PBX1: variants seen among roughly 807,000 people sequenced by gnomAD.
PBX1 encodes PBX homeobox 1.
A neutral mutation model predicts 53.4 loss-of-function variants in PBX1; 6 were observed. The ratio of observed to expected loss-of-function variants is 0.11; its 90% CI spans 0.06 to 0.22. The LOEUF (loss-of-function observed/expected upper bound fraction) is 0.22, where lower values mean the gene tolerates loss of function less well. Ranked by LOEUF, PBX1 falls within the 10% of genes least tolerant of loss-of-function variation. The pLI is 1.00. For missense variants in PBX1, 251 were observed against 551.4 expected (o/e 0.46, Z 5.46); for synonymous variants, 204 against 212.3 (o/e 0.96, Z 0.34).
At chr1:164,600,588 T>C (rs1245135832) in intron 2 of PBX1, among the ~76,000 whole-genome samples, 1 of 152,198 alleles carries the variant, frequency 6.6e-6, no homozygotes, top group Non-Finnish European at 1.5e-5. Context: ...GCATTCCCTC[T>C]CTTGCCACAA....
intron 2 of PBX1, among the ~76,000 whole-genome samples, chr1:164,705,900 C>CCTAT (rs1436874589): frequency 6.6e-6 from 1 of 152,132 alleles, no homozygotes; most frequent in Non-Finnish European, 1.5e-5. Context: ...TATTCAAGTA[C>CCTAT]CTATGTGTGA....
chr1:164,723,913 G>A (rs182728200), intron 2 of PBX1, among the ~76,000 whole-genome samples: 4 of 152,344 alleles, frequency 2.6e-5, no homozygotes, highest in African/African-American at 9.6e-5. Context: ...CAGCCTGGAA[G>A]GAGCTGAAGT....
chr1:164,640,608 G>A (rs1323680064), intron 2 of PBX1, among the ~76,000 whole-genome samples: 1 of 143,096 alleles, frequency 7.0e-6, no homozygotes, highest in East Asian at 2.1e-4. Context: ...CCAGGCTGGA[G>A]TGCAGTGGCA....
At chr1:164,632,050 C>T (rs1239819167) in intron 2 of PBX1, among the ~76,000 whole-genome samples, 1 of 152,114 alleles carries the variant, frequency 6.6e-6, no homozygotes, top group Non-Finnish European at 1.5e-5. Context: ...TTAGTCTGAC[C>T]CTTAGCATCA....
chr1:164,864,073 G>A (rs1672160205), intron 2 of PBX1, among the ~76,000 whole-genome samples: 2 of 152,162 alleles, frequency 1.3e-5, no homozygotes, highest in Admixed American at 6.5e-5. Flanking sequence ...ATGACCCTAA[G>A]TGATATTATC....
intron 7 of PBX1, among the ~76,000 whole-genome samples, chr1:164,821,119 A>G (rs1223818896): frequency 6.6e-6 from 1 of 152,198 alleles, no homozygotes; most frequent in Admixed American, 6.5e-5. Context: ...TGGCTGCCCA[A>G]ACCTCCTCTA....
chr1:164,843,876 C>T (rs1029929150), intron 8 of PBX1, among the ~76,000 whole-genome samples: 5 of 152,110 alleles, frequency 3.3e-5, no homozygotes, highest in African/African-American at 1.2e-4. Flanking sequence ...CTTAATGAAA[C>T]ACCACAGAAC....
intron 2 of PBX1, among the ~76,000 whole-genome samples, chr1:164,604,572 AC>A (rs1251744864): frequency 5.9e-5 from 9 of 152,220 alleles, no homozygotes; most frequent in African/African-American, 2.2e-4. Context: ...GCTGGACATG[AC>A]CCTTTTTTAT....
intron 2 of PBX1, among the ~76,000 whole-genome samples, chr1:164,613,460 C>A (rs1274590592): frequency 2.0e-5 from 3 of 152,148 alleles, no homozygotes; most frequent in African/African-American, 7.2e-5. Context: ...TTTCCTCCTT[C>A]AGGAATCAGC....
Position 164,700,797 on chromosome 1 carries a change from A to G in PBX1, c.266-91697A>G, listed in dbSNP as rs530293320. ...TGGGTTTCTATGACTTTTTTCACCC[A>G]TCTTTGTGTTTTGGTGGTGGCCAGC... On this transcript the variant is annotated intron_variant, in intron 2 of 8. Transcript: ENST00000420696. 4.3e-6 allele frequency: 4 copies of G among 936,718 alleles called. No individual in the cohort carries two copies. In the South Asian group the frequency reaches 2.0e-4, roughly 46 times the overall value. The allele number at this position is 936,718 out of a possible 1,614,324, so 58.0% of individuals were successfully genotyped here. A position where few individuals can be genotyped will look rare whatever the true frequency, so the allele number is the denominator to read the frequency against.
intron 2 of PBX1, among the ~76,000 whole-genome samples, chr1:164,707,937 G>T (rs753994127): frequency 2.0e-4 from 30 of 152,248 alleles, no homozygotes; most frequent in Non-Finnish European, 3.7e-4. Flanking sequence ...GCCCGAGAGA[G>T]CTGAGGCACC....
At chr1:164,694,943 A>G (rs763833441) in intron 2 of PBX1, among the ~76,000 whole-genome samples, 1 of 152,158 alleles carries the variant, frequency 6.6e-6, no homozygotes, top group Admixed American at 6.6e-5. Flanking sequence ...TAAGCAGCCC[A>G]TCGCATCTGA....
chr1:164,886,008 AT>A (rs1159840482), intron 2 of PBX1, among the ~76,000 whole-genome samples: 1 of 152,170 alleles, frequency 6.6e-6, no homozygotes, highest in Non-Finnish European at 1.5e-5. Flanking sequence ...AGTTTCTAGA[AT>A]GATTTAGGTG....
rs189051618 is a variant in PBX1, at chr1:164,850,117, C to T, written c.*3441C>T. Reference sequence around the variant, plus strand: ...AATTTTAAAAATGACCCTCATAGCACGCAAAACAGGATGGGGAATTTCCCC... The same window carrying T: ...AATTTTAAAAATGACCCTCATAGCATGCAAAACAGGATGGGGAATTTCCCC... On this transcript the variant is annotated 3_prime_UTR_variant, in exon 9 of 9. Transcript: ENST00000420696. 2.6e-5 allele frequency: 6 copies of T among 227,406 alleles called. No individual in the cohort carries two copies. The highest frequency in any genetic ancestry group is 6.6e-5 in the African/African-American group (3 of 45,126). The allele number at this position is 227,406 out of a possible 1,614,324, so 14.1% of individuals were successfully genotyped here.
chr1:164,602,324 G>A (rs1444069590), intron 2 of PBX1, among the ~76,000 whole-genome samples: 1 of 152,114 alleles, frequency 6.6e-6, no homozygotes, highest in Non-Finnish European at 1.5e-5. Flanking sequence ...CACCCCGCTC[G>A]GTTTCAGTTT....
intron 2 of PBX1, among the ~76,000 whole-genome samples, chr1:164,594,768 C>G (rs1001697599): frequency 2.0e-5 from 3 of 152,138 alleles, no homozygotes; most frequent in African/African-American, 7.2e-5. Flanking sequence ...CCTAAGTCTT[C>G]ACTATTTTGC....
intron 2 of PBX1, among the ~76,000 whole-genome samples, chr1:164,568,374 C>G (rs1284874380): frequency 6.6e-6 from 1 of 152,054 alleles, no homozygotes; most frequent in Non-Finnish European, 1.5e-5. Context: ...ATGATAGAGA[C>G]AGTGTCCTAG....
At chr1:164,701,428 A>C (rs1358623661) in intron 2 of PBX1, among the ~76,000 whole-genome samples, 1 of 152,216 alleles carries the variant, frequency 6.6e-6, no homozygotes, top group South Asian at 2.1e-4. Context: ...GTTGTACTTC[A>C]TTAGCCAAGC....
chr1:164,775,772 G>A (rs1221550117), intron 2 of PBX1, among the ~76,000 whole-genome samples: 3 of 152,124 alleles, frequency 2.0e-5, no homozygotes, highest in Non-Finnish European at 2.9e-5. Flanking sequence ...ATGGCTATTC[G>A]GTTTAATGGT....
Sources: gnomAD v4.1 joint callset for allele counts (sites outside exome capture counted in the v4.1 genomes callset) on GRCh38, gnomAD v4.1.1 for gene constraint, MANE v1.5 for transcripts, NCBI Gene and HGNC (gene_info 2026-07-23, HGNC 2026-07-21) for gene names.